Variants in PSD3 observed in about 807,000 individuals in gnomAD.
PSD3 encodes the protein PH and SEC7 domain-containing protein 3.
In PSD3, 49 loss-of-function variants were observed where a neutral mutation model predicts 105.5. The observed-to-expected ratio is 0.46, with a 90% confidence interval of 0.37 to 0.59. The LOEUF (loss-of-function observed/expected upper bound fraction) is 0.59. Ranked by LOEUF, PSD3 falls within the 20% of genes least tolerant of loss-of-function variation. PSD3 has a pLI of 0.00. For synonymous variants in PSD3, 557 were observed against 457.8 expected, an observed-to-expected ratio of 1.22 and a Z score of -2.77; for missense variants, 1,561 against 1,263.8, an observed-to-expected ratio of 1.24 and a Z score of -3.57.
intron 1 of PSD3, among the ~76,000 whole-genome samples, chr8:18,941,176 T>C (rs1250388046): frequency 6.6e-6 from 1 of 152,240 alleles, no homozygotes; most frequent in Non-Finnish European, 1.5e-5. Flanking sequence ...TCATCACAGT[T>C]GTTTTTACGA....
At chr8:18,601,287 C>A (rs192745082) in intron 11 of PSD3, among the ~76,000 whole-genome samples, 74 of 152,268 alleles carry the variant, frequency 4.9e-4, no homozygotes, top group African/African-American at 1.7e-3. Context: ...TATCTTAATA[C>A]AATTAAAATC....
intron 10 of PSD3, among the ~76,000 whole-genome samples, chr8:18,642,120 C>G (rs1265923594): frequency 6.6e-6 from 1 of 152,072 alleles, no homozygotes; most frequent in African/African-American, 2.4e-5. Flanking sequence ...ACTTGGCTTT[C>G]TAAATAAAGG....
At position 18,835,515 on chromosome 8, in the gene PSD3, G is replaced by A. The variant is rs140965551; in HGVS notation, c.1635-30617C>T. On this transcript the variant is annotated intron_variant, in intron 4 of 15. Transcript: ENST00000327040. ...AAACAAGACAAAAATCCCTGCCCTC[G>A]TGGAACTTACATTTTAGAGGACAGA... Among the ~76,000 whole-genome samples the A allele has an allele frequency of 3.9e-3, 597 of 152,246 alleles. 3 individuals are homozygous for A. Among genetic ancestry groups the A allele is most frequent in the African/African-American group, 0.014 (570 of 41,546 alleles).
chr8:18,537,839 G>A (rs1424121855), intron 15 of PSD3, among the ~76,000 whole-genome samples: 1 of 152,146 alleles, frequency 6.6e-6, no homozygotes, highest in Non-Finnish European at 1.5e-5. Context: ...ACCACACCCA[G>A]CTAATTTTTG....
intron 2 of PSD3, among the ~76,000 whole-genome samples, chr8:18,882,958 G>A (rs184657453): frequency 7.4e-4 from 112 of 152,104 alleles, no homozygotes; most frequent in African/African-American, 2.5e-3. Flanking sequence ...TCTATACACA[G>A]AGAACATTTC....
chr8:18,617,637 G>C (rs978865494), intron 11 of PSD3, among the ~76,000 whole-genome samples: 1 of 151,924 alleles, frequency 6.6e-6, no homozygotes, highest in African/African-American at 2.4e-5. Flanking sequence ...TTGGTGAAGG[G>C]GATTCCAAAG....
intron 11 of PSD3, among the ~76,000 whole-genome samples, chr8:18,625,387 C>T (rs1490685315): frequency 6.6e-6 from 1 of 152,102 alleles, no homozygotes. Context: ...CAACATGGCC[C>T]TACTGTACTT....
chr8:18,568,578 C>T (rs1424721693), intron 14 of PSD3, among the ~76,000 whole-genome samples: 2 of 152,152 alleles, frequency 1.3e-5, no homozygotes, highest in African/African-American at 2.4e-5. Context: ...CCATTCTACA[C>T]TTTCAAGGTC....
intron 9 of PSD3, among the ~76,000 whole-genome samples, chr8:18,754,989 CA>C (rs1422778960): frequency 1.3e-5 from 2 of 152,130 alleles, no homozygotes; most frequent in African/African-American, 4.8e-5. Flanking sequence ...TCAATCATCC[CA>C]AGGAGCTCCT....
intron 9 of PSD3, among the ~76,000 whole-genome samples, chr8:18,674,969 C>T (rs1374723074): frequency 6.6e-6 from 1 of 151,964 alleles, no homozygotes; most frequent in Non-Finnish European, 1.5e-5. Flanking sequence ...CTACTGCACT[C>T]CAGCTTGGGT....
intron 1 of PSD3, among the ~76,000 whole-genome samples, chr8:18,974,876 A>T (rs542744595): frequency 3.2e-4 from 48 of 152,222 alleles, no homozygotes; most frequent in Non-Finnish European, 4.9e-4. Context: ...GAAAGGGTGG[A>T]CCGCAGTGCT....
chr8:18,882,083 CTG>C (rs1327118760), intron 2 of PSD3, among the ~76,000 whole-genome samples: 1 of 152,030 alleles, frequency 6.6e-6, no homozygotes, highest in African/African-American at 2.4e-5. Flanking sequence ...TGGTGTGTGC[CTG>C]TGCTCCCAGC....
chr8:18,617,954 A>G (rs1353183396), intron 11 of PSD3, among the ~76,000 whole-genome samples: 1 of 152,182 alleles, frequency 6.6e-6, no homozygotes, highest in Non-Finnish European at 1.5e-5. Flanking sequence ...TGCATTCTAT[A>G]GAGAATCTCC....
At chr8:18,884,881 C>G (rs867567334) in intron 2 of PSD3, among the ~76,000 whole-genome samples, 3 of 152,172 alleles carry the variant, frequency 2.0e-5, no homozygotes, top group African/African-American at 7.2e-5. Flanking sequence ...TAAGGAGTGG[C>G]ACCGCATACA....
chr8:18,573,687 C>T (rs1452780249), intron 13 of PSD3, among the ~76,000 whole-genome samples: 2 of 152,132 alleles, frequency 1.3e-5, no homozygotes, highest in African/African-American at 2.4e-5. Context: ...AGAAGCCAGA[C>T]ACAAAAGACC....
At chr8:18,695,813 C>G (rs940369453) in intron 9 of PSD3, among the ~76,000 whole-genome samples, 2 of 152,182 alleles carry the variant, frequency 1.3e-5, no homozygotes, top group Non-Finnish European at 2.9e-5. Flanking sequence ...AAACTTGGAA[C>G]AGATGAGTTA....
At chr8:18,779,340 C>A (rs1223027113) in intron 8 of PSD3, among the ~76,000 whole-genome samples, 1 of 151,100 alleles carries the variant, frequency 6.6e-6, no homozygotes, top group Non-Finnish European at 1.5e-5. Flanking sequence ...CTTTTTTAAT[C>A]TTGGTTAGTC....
intron 8 of PSD3, among the ~76,000 whole-genome samples, chr8:18,780,522 C>T (rs905140131): frequency 6.6e-6 from 1 of 151,960 alleles, no homozygotes; most frequent in African/African-American, 2.4e-5. Flanking sequence ...TGCTGGTTTT[C>T]TGTAGTAGTA....
chr8:18,804,793 G>C lies in PSD3; in HGVS notation c.1740C>G (p.Ser580Arg). The change falls in exon 5 of 16, where the codon AGC becomes AGG. Residue 580 changes from serine (S) to arginine (R), a missense_variant. By Grantham distance (110) the Ser-to-Arg change is moderately radical. Coordinates refer to ENST00000327040, the MANE Select transcript of PSD3 (RefSeq NM_015310.4). Reference sequence around the variant, plus strand: ...CCAACCTTTTGGCTGCTTCCACATTGCTGCTGGTACCATTACTGAGATTTT... The same window carrying C: ...CCAACCTTTTGGCTGCTTCCACATTCCTGCTGGTACCATTACTGAGATTTT... Reference protein sequence around the residue: ...TPENLSNGTSSNVEAAKRLAK... With the variant: ...TPENLSNGTSRNVEAAKRLAK... The C allele has an allele frequency of 6.2e-7, 1 of 1,614,066 alleles. No individual in the cohort carries two copies.
Sources: gnomAD v4.1 joint callset for allele counts (sites outside exome capture counted in the v4.1 genomes callset) on GRCh38, gnomAD v4.1.1 for gene constraint, MANE v1.5 for transcripts, NCBI Gene and HGNC (gene_info 2026-07-23, HGNC 2026-07-21) for gene names.